Variants in OSBPL10 observed in about 807,000 individuals in gnomAD.
The protein encoded by OSBPL10 is oxysterol binding protein like 10.
A neutral mutation model predicts 81.7 loss-of-function variants in OSBPL10; 49 were observed. The observed-to-expected ratio is 0.60, with a 90% confidence interval of 0.48 to 0.76. The LOEUF (loss-of-function observed/expected upper bound fraction) is 0.76, where lower values mean the gene tolerates loss of function less well. Among genes scored for constraint, OSBPL10 ranks in the 30% least tolerant of loss-of-function variants. The probability of loss-of-function intolerance (pLI) is 0.00; values close to 1 mark genes in which losing one functional copy is unlikely to be tolerated. For synonymous variants in OSBPL10, 419 were observed against 383.6 expected (o/e 1.09, Z -1.08); for missense variants, 923 against 987.8 (o/e 0.93, Z 0.88).
chr3:31,944,869 A>C (rs1353668693), intron 1 of OSBPL10, among the ~76,000 whole-genome samples: 27 of 130,804 alleles, frequency 2.1e-4, no homozygotes, highest in African/African-American at 7.6e-4. Flanking sequence ...AAAAAAAAAA[A>C]AGGCCAGGCA....
At chr3:32,070,670 G>A (rs776731516) in intron 1 of OSBPL10, among the ~76,000 whole-genome samples, 3 of 152,074 alleles carry the variant, frequency 2.0e-5, no homozygotes, top group Non-Finnish European at 4.4e-5. Flanking sequence ...CAATTCTCCC[G>A]TTTTACCTGT....
chr3:31,782,651 A>C (rs979328184), intron 4 of OSBPL10, among the ~76,000 whole-genome samples: 1 of 152,242 alleles, frequency 6.6e-6, no homozygotes, highest in Non-Finnish European at 1.5e-5. Flanking sequence ...GACAGTTCTC[A>C]AAAGAAGATA....
At chr3:31,769,896 C>T (rs1338461344) in intron 4 of OSBPL10, among the ~76,000 whole-genome samples, 1 of 57,382 alleles carries the variant, frequency 1.7e-5, no homozygotes, top group African/African-American at 7.0e-5. Context: ...GTTCATGGAT[C>T]CCCTAAGAAG....
chr3:31,909,670 A>C (rs948254139), intron 1 of OSBPL10, among the ~76,000 whole-genome samples: 1 of 152,148 alleles, frequency 6.6e-6, no homozygotes, highest in Admixed American at 6.5e-5. Context: ...CCTCCATTTC[A>C]GATCAAGCGA....
At chr3:31,729,632 G>A (rs1176990808) in intron 6 of OSBPL10, among the ~76,000 whole-genome samples, 1 of 152,104 alleles carries the variant, frequency 6.6e-6, no homozygotes, top group Non-Finnish European at 1.5e-5. Context: ...TGTTGGTCAG[G>A]CTGGTCTCAA....
chr3:31,838,053 A>G (rs976021998), intron 3 of OSBPL10, among the ~76,000 whole-genome samples: 10 of 152,232 alleles, frequency 6.6e-5, no homozygotes, highest in African/African-American at 2.2e-4. Context: ...ATAAAGCTTC[A>G]TGAAAGATCA....
chr3:31,821,180 G>C (rs184621174), intron 4 of OSBPL10, among the ~76,000 whole-genome samples: 391 of 152,058 alleles, frequency 2.6e-3, no homozygotes, highest in African/African-American at 8.8e-3. Context: ...GCAGCAGTTG[G>C]ACAATGAGTT....
At position 31,994,071 on chromosome 3, in the gene OSBPL10, A is replaced by T. The variant is rs560369819; in HGVS notation, n.298+52420T>A. 2.6e-5 allele frequency among the ~76,000 whole-genome samples: 4 copies of T among 152,382 alleles called. No individual in the cohort carries two copies. In the East Asian group the frequency reaches 7.7e-4, roughly 29 times the overall value. ...ATAAATGAGAGTAAACTATTGTTACATGCAATATTGCAAGTGAATCTCATA... is the reference window on the plus strand; with the variant it reads ...ATAAATGAGAGTAAACTATTGTTACTTGCAATATTGCAAGTGAATCTCATA... On this transcript the variant is annotated intron_variant and non_coding_transcript_variant, in intron 2 of 3. Transcript: ENST00000479173.
chr3:31,957,632 TGTTTGTTTGTTTTG>T (rs965372425), intron 1 of OSBPL10, among the ~76,000 whole-genome samples: 21 of 152,124 alleles, frequency 1.4e-4, no homozygotes, highest in East Asian at 5.8e-4. Context: ...GGTTTGTTTT[TGTTTGTTTGTTTTG>T]GTTTGTTTGT....
intron 4 of OSBPL10, among the ~76,000 whole-genome samples, chr3:31,771,528 G>T (rs1332245326): frequency 6.6e-6 from 1 of 152,058 alleles, no homozygotes; most frequent in Non-Finnish European, 1.5e-5. Flanking sequence ...TTTATTGGGG[G>T]TCTGAAGGAA....
chr3:31,873,619 T>TA (rs1701384596), intron 3 of OSBPL10, among the ~76,000 whole-genome samples: 1 of 152,182 alleles, frequency 6.6e-6, no homozygotes, highest in African/African-American at 2.4e-5. Context: ...TAAGAGTTTT[T>TA]AAAAGGCAAA....
At chr3:31,902,133 A>G (rs1323884892) in intron 1 of OSBPL10, among the ~76,000 whole-genome samples, 1 of 152,176 alleles carries the variant, frequency 6.6e-6, no homozygotes, top group Non-Finnish European at 1.5e-5. Flanking sequence ...TCCGGTCTGT[A>G]AAATGGGGCT....
At chr3:31,957,970 G>A (rs920772239) in intron 1 of OSBPL10, among the ~76,000 whole-genome samples, 1 of 152,178 alleles carries the variant, frequency 6.6e-6, no homozygotes, top group Non-Finnish European at 1.5e-5. Flanking sequence ...CATCTTTAAA[G>A]TCACATTGTA....
intron 2 of OSBPL10, among the ~76,000 whole-genome samples, chr3:31,995,233 A>G (rs1318937782): frequency 6.6e-6 from 1 of 152,182 alleles, no homozygotes. Flanking sequence ...GGGATTTCCC[A>G]ATCCTAGTAA....
intron 5 of OSBPL10, among the ~76,000 whole-genome samples, chr3:31,737,902 G>C (rs4452360): frequency 0.32 from 48,171 of 151,504 alleles, 9,564 homozygotes; most frequent in East Asian, 0.69. Context: ...TGAGGCACGA[G>C]AATCACTTGA....
At chr3:31,752,465 G>T (rs150736879) in intron 4 of OSBPL10, among the ~76,000 whole-genome samples, 1 of 152,190 alleles carries the variant, frequency 6.6e-6, no homozygotes, top group African/African-American at 2.4e-5. Context: ...GAGATGAAAC[G>T]TAGGTCAAGT....
intron 1 of OSBPL10, among the ~76,000 whole-genome samples, chr3:31,963,224 C>T (rs531071769): frequency 6.6e-6 from 1 of 152,002 alleles, no homozygotes; most frequent in South Asian, 2.1e-4. Flanking sequence ...TCCTTCCTTT[C>T]CTCCCCTCCA....
intron 3 of OSBPL10, among the ~76,000 whole-genome samples, chr3:31,838,036 T>G (rs1700402660): frequency 6.6e-6 from 1 of 152,120 alleles, no homozygotes; most frequent in African/African-American, 2.4e-5. Flanking sequence ...AATACGTAAA[T>G]AGAAGAATAA....
rs1049299252 is a variant in OSBPL10 at position 32,072,715 on chromosome 3, T to A, written n.185+4681A>T. On this transcript the variant is annotated intron_variant and non_coding_transcript_variant, in intron 1 of 3. Transcript: ENST00000479173. Reference sequence around the variant, plus strand: ...ACACATCAAGCTCGGGGATTCACCCTCGCCCAGGAGTGGCAAATTGACTTT... The same window carrying A: ...ACACATCAAGCTCGGGGATTCACCCACGCCCAGGAGTGGCAAATTGACTTT... Among the ~76,000 whole-genome samples the A allele has an allele frequency of 5.9e-5, 9 of 152,102 alleles. No individual in the cohort carries two copies. In the East Asian group the frequency reaches 1.7e-3, roughly 29 times the overall value.
Sources: allele counts gnomAD v4.1 joint callset (sites outside exome capture counted in the v4.1 genomes callset), GRCh38; gene constraint gnomAD v4.1.1; transcripts MANE v1.5; gene names NCBI Gene and HGNC (gene_info 2026-07-23, HGNC 2026-07-21).